Variants in MACROD2 observed in about 807,000 individuals in gnomAD.
MACROD2 encodes the protein ADP-ribose glycohydrolase MACROD2.
Under a neutral mutation model 70.4 loss-of-function variants are expected in MACROD2, and 36 were observed. That is an observed-to-expected ratio of 0.51 (90% CI 0.39 to 0.68). The LOEUF (loss-of-function observed/expected upper bound fraction) is 0.68. MACROD2 is among the 30% of genes least tolerant of loss of function. MACROD2 has a pLI of 0.00. For synonymous variants in MACROD2, 172 were observed against 178.8 expected (o/e 0.96, Z 0.30); for missense variants, 496 against 538.4 (o/e 0.92, Z 0.78).
chr20:16,002,635 G>T (rs942215974), intron 15 of MACROD2, among the ~76,000 whole-genome samples: 1 of 152,112 alleles, frequency 6.6e-6, no homozygotes, highest in Non-Finnish European at 1.5e-5. Flanking sequence ...AACCGTAGTA[G>T]GTAATCAAAC....
chr20:15,013,777 C>A (rs1224835685), intron 5 of MACROD2, among the ~76,000 whole-genome samples: 1 of 152,160 alleles, frequency 6.6e-6, no homozygotes, highest in Non-Finnish European at 1.5e-5. Context: ...GCAGGTTAAC[C>A]TACCTTCCAG....
intron 5 of MACROD2, among the ~76,000 whole-genome samples, chr20:14,856,783 C>T (rs1345417218): frequency 6.6e-6 from 1 of 152,102 alleles, no homozygotes; most frequent in Non-Finnish European, 1.5e-5. Flanking sequence ...AGGTCCTAGA[C>T]AGTGAAGTGA....
intron 5 of MACROD2, among the ~76,000 whole-genome samples, chr20:15,123,545 C>A (rs1425147764): frequency 6.6e-6 from 1 of 151,918 alleles, no homozygotes; most frequent in Non-Finnish European, 1.5e-5. Flanking sequence ...GTATTGATTG[C>A]ATGTTTAAAG....
chr20:14,676,458 G>A (rs2033759969), intron 4 of MACROD2, among the ~76,000 whole-genome samples: 1 of 152,202 alleles, frequency 6.6e-6, no homozygotes, highest in Admixed American at 6.5e-5. Flanking sequence ...AGCTGTTCCT[G>A]AATGACTACT....
intron 3 of MACROD2, among the ~76,000 whole-genome samples, chr20:14,191,158 G>A (rs1230386665): frequency 6.6e-6 from 1 of 152,006 alleles, no homozygotes; most frequent in Non-Finnish European, 1.5e-5. Flanking sequence ...TCAGGCTCTT[G>A]TGCCTCCATA....
chr20:14,267,021 G>A (rs1381972718), intron 3 of MACROD2, among the ~76,000 whole-genome samples: 1 of 152,124 alleles, frequency 6.6e-6, no homozygotes, highest in African/African-American at 2.4e-5. Flanking sequence ...CTTTGGGCTA[G>A]CTAAAATATC....
At chr20:14,134,776 G>A (rs1310891167) in intron 3 of MACROD2, among the ~76,000 whole-genome samples, 1 of 123,752 alleles carries the variant, frequency 8.1e-6, no homozygotes, top group Non-Finnish European at 1.6e-5. Flanking sequence ...CTGCACTCCC[G>A]CCTGGCGACA....
intron 8 of MACROD2, among the ~76,000 whole-genome samples, chr20:15,803,442 A>C (rs1417469160): frequency 6.6e-6 from 1 of 152,172 alleles, no homozygotes; most frequent in East Asian, 1.9e-4. Flanking sequence ...ATTTCAAATA[A>C]AAAGTGCCTG....
rs1555794566 is a variant in MACROD2, at chr20:15,227,840, T to TTTGTTTG, written c.419-2098_419-2097insGTTTGTT. ...TTTCACCTGTTTTTTTTTTTTTTTTTTTTTTTTTTCAAATTTAATTGACCT... is the reference window on the plus strand; with the variant it reads ...TTTCACCTGTTTTTTTTTTTTTTTTTTTGTTTGTTTTTTTTTCAAATTTAATTGACCT... On this transcript the variant is annotated intron_variant, in intron 5 of 17. Transcript: ENST00000684519. Among the ~76,000 whole-genome samples the TTTGTTTG allele has an allele frequency of 3.7e-4, 54 of 145,820 alleles. 1 individual carries two copies. Among genetic ancestry groups the TTTGTTTG allele is most frequent in the African/African-American group, 1.4e-3 (54 of 39,708 alleles).
intron 8 of MACROD2, among the ~76,000 whole-genome samples, chr20:15,777,464 G>T (rs1011610764): frequency 6.7e-6 from 1 of 149,134 alleles, no homozygotes; most frequent in Non-Finnish European, 1.5e-5. Context: ...CACACTGTTG[G>T]TTAGTGACAG....
At chr20:15,585,935 T>A (rs6043377) in intron 8 of MACROD2, among the ~76,000 whole-genome samples, 1 of 152,172 alleles carries the variant, frequency 6.6e-6, no homozygotes, top group Admixed American at 6.5e-5. Flanking sequence ...TTAACCAAAG[T>A]GAGAATTTAG....
rs911130472 is a variant in MACROD2 at position 14,128,194 on chromosome 20, A to C, written c.271+42466A>C. The C allele has an allele frequency of 1.5e-5, 6 of 391,556 alleles. No individual in the cohort carries two copies. The Admixed American group carries it at 1.8e-4, about 12-fold the overall frequency. The allele number at this position is 391,556 out of a possible 1,614,324, so 24.3% of individuals were successfully genotyped here. On this transcript the variant is annotated intron_variant, in intron 3 of 17. Transcript: ENST00000684519. ...CCCTGGAGAGCCCAACAAGGAACCA[A>C]ATCCTAAGAAGATTTGGGAGCAGAT... is the stretch of plus-strand genomic sequence containing the variant.
intron 8 of MACROD2, among the ~76,000 whole-genome samples, chr20:15,514,115 A>G (rs1327491427): frequency 1.3e-5 from 2 of 152,250 alleles, no homozygotes; most frequent in African/African-American, 2.4e-5. Flanking sequence ...AAACTGTGTT[A>G]TTACAAGAGT....
intron 4 of MACROD2, among the ~76,000 whole-genome samples, chr20:14,604,761 G>C (rs1982698742): frequency 6.6e-6 from 1 of 152,144 alleles, no homozygotes; most frequent in South Asian, 2.1e-4. Flanking sequence ...CTTCCAGGAG[G>C]ATCAGGGAAC....
intron 8 of MACROD2, among the ~76,000 whole-genome samples, chr20:15,537,550 T>C (rs927434946): frequency 6.8e-6 from 1 of 146,164 alleles, no homozygotes; most frequent in Admixed American, 7.1e-5. Flanking sequence ...CTCAGCTCAC[T>C]GCAACCTCCA....
At chr20:14,382,665 T>C (rs929455760) in intron 3 of MACROD2, among the ~76,000 whole-genome samples, 3 of 137,406 alleles carry the variant, frequency 2.2e-5, no homozygotes, top group Admixed American at 7.5e-5. Flanking sequence ...CAAAACTCCG[T>C]CTCAAAAAAG....
intron 5 of MACROD2, among the ~76,000 whole-genome samples, chr20:14,942,656 C>T (rs2074399900): frequency 2.6e-5 from 4 of 152,192 alleles, no homozygotes; most frequent in Admixed American, 2.6e-4. Context: ...TTGAATGTCA[C>T]ATGTCAGCTG....
chr20:15,970,916 C>T (rs1013568756), intron 13 of MACROD2, among the ~76,000 whole-genome samples: 1 of 152,164 alleles, frequency 6.6e-6, no homozygotes, highest in Non-Finnish European at 1.5e-5. Context: ...AAATGCTCCT[C>T]ATGTCCTCCC....
At chr20:15,431,190 A>C (rs1303643768) in intron 6 of MACROD2, among the ~76,000 whole-genome samples, 1 of 152,056 alleles carries the variant, frequency 6.6e-6, no homozygotes. Flanking sequence ...CTGAAAACTT[A>C]GCAGTTGGTT....
Sources: gnomAD v4.1 joint callset for allele counts (sites outside exome capture counted in the v4.1 genomes callset) on GRCh38, gnomAD v4.1.1 for gene constraint, MANE v1.5 for transcripts, NCBI Gene and HGNC (gene_info 2026-07-23, HGNC 2026-07-21) for gene names.